GALNT10: variants seen among roughly 807,000 people sequenced by gnomAD.
GALNT10 encodes the protein GalNAc transferase 10.
In GALNT10, 41 loss-of-function variants were observed where a neutral mutation model predicts 75.0. The observed-to-expected ratio is 0.55, with a 90% CI of 0.43 to 0.71. The LOEUF is 0.71. Among genes scored for constraint, GALNT10 ranks in the 30% least tolerant of loss-of-function variants. The probability of loss-of-function intolerance (pLI) is 0.00; values close to 1 mark genes in which losing one functional copy is unlikely to be tolerated. For missense variants in GALNT10, 727 were observed against 818.5 expected (o/e 0.89, Z 1.36); for synonymous variants, 302 against 313.0 (o/e 0.96, Z 0.37).
intron 1 of GALNT10, among the ~76,000 whole-genome samples, chr5:154,216,015 C>T (rs969055503): frequency 6.6e-6 from 1 of 152,152 alleles, no homozygotes; most frequent in Non-Finnish European, 1.5e-5. Context: ...TCCTCTCTTT[C>T]CCCTCTGAAG....
chr5:154,376,169 A>C lies in GALNT10; in HGVS notation c.569-108A>C. 1 of 749,448 alleles carries C rather than the reference A, an allele frequency of 1.3e-6. No homozygotes were observed. The highest frequency in any genetic ancestry group is 2.3e-6 in the Non-Finnish European group (1 of 427,074). The allele number at this position is 749,448 out of a possible 1,614,324, so 46.4% of individuals were successfully genotyped here. ...TGAAAGGTCTAGTGAGGCAGTGTACAGGAAAGCTGTGTCTAGACTGTGAAG... is the reference window on the plus strand; with the variant it reads ...TGAAAGGTCTAGTGAGGCAGTGTACCGGAAAGCTGTGTCTAGACTGTGAAG... On this transcript the variant is annotated intron_variant, in intron 4 of 11. Coordinates refer to ENST00000297107, the MANE Select transcript of GALNT10 (RefSeq NM_198321.4). This position sits in a 1 kb window ranked among gnomAD's most constrained non-coding sequence, Gnocchi z 4.1.
chr5:154,253,009 T>G (rs1753549855), intron 1 of GALNT10, among the ~76,000 whole-genome samples: 1 of 150,040 alleles, frequency 6.7e-6, no homozygotes, highest in Non-Finnish European at 1.5e-5. Flanking sequence ...GTGGTTTTTT[T>G]TTTTTTTTTT....
At chr5:154,361,778 T>A (rs1445807021) in intron 4 of GALNT10, among the ~76,000 whole-genome samples, 1 of 152,232 alleles carries the variant, frequency 6.6e-6, no homozygotes, top group Non-Finnish European at 1.5e-5. Context: ...ATTTCTAACA[T>A]GAGCACCTAT....
At chr5:154,371,971 C>T (rs755156762) in intron 4 of GALNT10, among the ~76,000 whole-genome samples, 36 of 152,122 alleles carry the variant, frequency 2.4e-4, no homozygotes, top group South Asian at 4.1e-4. Context: ...CAAATCATCC[C>T]GTGGGCAGGG....
At chr5:154,191,449 A>G (rs1386888595) in intron 1 of GALNT10, among the ~76,000 whole-genome samples, 5 of 12,088 alleles carry the variant, frequency 4.1e-4, no homozygotes, top group African/African-American at 1.8e-3. Context: ...CCCCCCCCCC[A>G]CAACCCCTAC....
intron 3 of GALNT10, among the ~76,000 whole-genome samples, chr5:154,318,778 G>A (rs1754634351): frequency 6.6e-6 from 1 of 152,158 alleles, no homozygotes; most frequent in South Asian, 2.1e-4. Context: ...GACATTCACT[G>A]TTTCTGCTCT....
Position 154,404,164 on chromosome 5 carries a change from A to G in GALNT10, c.1117A>G (p.Arg373Gly). Residue 373 changes from arginine to glycine, a missense_variant, in exon 8 of 12, where the codon AGG (arginine) becomes GGG (glycine). Coordinates refer to ENST00000297107, the MANE Select transcript of GALNT10 (RefSeq NM_198321.4). ...CTGCTCCAGGGTGGGCCATATCTAC[A>G]GGAAGTATGTGCCCTACAAGGTCCC... ...IPCSRVGHIYRKYVPYKVPAG... is the reference protein window; with the variant it reads ...IPCSRVGHIYGKYVPYKVPAG... 1 of 1,613,088 alleles carries G rather than the reference A, an allele frequency of 6.2e-7. No individual in the cohort carries two copies. Among genetic ancestry groups the G allele is most frequent in the Non-Finnish European group, 8.5e-7 (1 of 1,179,390 alleles).
intron 8 of GALNT10, among the ~76,000 whole-genome samples, chr5:154,408,001 TAAG>T (rs1425474167): frequency 6.6e-6 from 1 of 152,178 alleles, no homozygotes; most frequent in East Asian, 1.9e-4. Context: ...GCCTGTGACC[TAAG>T]AATGGTTTTT....
intron 4 of GALNT10, among the ~76,000 whole-genome samples, chr5:154,374,407 G>A (rs1755625949): frequency 6.6e-6 from 1 of 152,174 alleles, no homozygotes; most frequent in Admixed American, 6.5e-5. Context: ...TCATCTCAAT[G>A]AAGTTCCTGG....
chr5:154,293,687 T>A (rs1288565815), intron 1 of GALNT10, among the ~76,000 whole-genome samples: 1 of 151,628 alleles, frequency 6.6e-6, no homozygotes, highest in South Asian at 2.1e-4. Flanking sequence ...TTTATTCTCT[T>A]TGGGTCTGGG....
At chr5:154,365,227 A>T (rs1755456510) in intron 4 of GALNT10, among the ~76,000 whole-genome samples, 1 of 152,198 alleles carries the variant, frequency 6.6e-6, no homozygotes, top group Non-Finnish European at 1.5e-5. Context: ...AGAATAATTC[A>T]TTCTTAAAAT....
intron 4 of GALNT10, among the ~76,000 whole-genome samples, chr5:154,348,601 G>A (rs1029419819): frequency 6.6e-6 from 1 of 152,090 alleles, no homozygotes; most frequent in African/African-American, 2.4e-5. Context: ...TCTAGGTGTT[G>A]GTATGAGAAC....
chr5:154,192,775 T>C (rs896501073), intron 1 of GALNT10, among the ~76,000 whole-genome samples: 1 of 152,174 alleles, frequency 6.6e-6, no homozygotes, highest in African/African-American at 2.4e-5. Context: ...CAAACTCTCC[T>C]TTAGAATAGC....
At chr5:154,202,188 C>G (rs1172077814) in intron 1 of GALNT10, among the ~76,000 whole-genome samples, 3 of 152,160 alleles carry the variant, frequency 2.0e-5, no homozygotes, top group African/African-American at 7.2e-5. Context: ...TTAGGTCCCC[C>G]CAGAGGCAGC....
intron 1 of GALNT10, among the ~76,000 whole-genome samples, chr5:154,192,418 G>A (rs1774871777): frequency 6.6e-6 from 1 of 152,176 alleles, no homozygotes. Flanking sequence ...CTGAAATTCT[G>A]TATCTGTATG....
chr5:154,260,026 G>A (rs1380101183), intron 1 of GALNT10, among the ~76,000 whole-genome samples: 1 of 151,928 alleles, frequency 6.6e-6, no homozygotes, highest in East Asian at 1.9e-4. Context: ...TATGAAGGGA[G>A]AAAACAAACA....
chr5:154,335,074 T>A (rs1754923942), intron 4 of GALNT10, among the ~76,000 whole-genome samples: 1 of 152,256 alleles, frequency 6.6e-6, no homozygotes, highest in Non-Finnish European at 1.5e-5. Flanking sequence ...CTTAGTTTGC[T>A]TCTGACACCA....
intron 1 of GALNT10, among the ~76,000 whole-genome samples, chr5:154,257,321 G>T (rs1581942383): frequency 2.6e-5 from 4 of 152,054 alleles, no homozygotes; most frequent in African/African-American, 9.7e-5. Flanking sequence ...TCATGTCTTT[G>T]TGACTATACT....
At chr5:154,351,593 T>C (rs1307620019) in intron 4 of GALNT10, among the ~76,000 whole-genome samples, 2 of 152,244 alleles carry the variant, frequency 1.3e-5, no homozygotes, top group African/African-American at 4.8e-5. Context: ...TGCACACACC[T>C]TGTTCCTGGC....
Sources: gnomAD v4.1 joint callset for allele counts (sites outside exome capture counted in the v4.1 genomes callset) on GRCh38, gnomAD v4.1.1 for gene constraint, Gnocchi (gnomAD v3.1) non-coding constraint, MANE v1.5 for transcripts, NCBI Gene and HGNC (gene_info 2026-07-23, HGNC 2026-07-21) for gene names.